The following LYRM4 variants were observed in gnomAD, a reference collection of about 807,000 sequenced individuals.
LYRM4 encodes the protein LYR motif-containing protein 4.
A neutral mutation model predicts 11.7 loss-of-function variants in LYRM4; 9 were observed. That is an observed-to-expected ratio of 0.77 (90% CI 0.46 to 1.34). The LOEUF is 1.34. Among genes scored for constraint, LYRM4 ranks in the 40% most tolerant of loss-of-function variants. The probability of loss-of-function intolerance (pLI) is 0.00; values close to 1 mark genes in which losing one functional copy is unlikely to be tolerated. For synonymous variants in LYRM4, 42 were observed against 40.4 expected, an observed-to-expected ratio of 1.04 and a Z score of -0.15; for missense variants, 133 against 112.5, an observed-to-expected ratio of 1.18 and a Z score of -0.82.
the LYRM4 span, among the ~76,000 whole-genome samples, chr6:5,092,809 C>G: frequency 6.6e-6 from 1 of 152,148 alleles, no homozygotes; most frequent in African/African-American, 2.4e-5. Flanking sequence ...AAGCAGCAGT[C>G]GTGTTTATGT....
intron 1 of LYRM4, among the ~76,000 whole-genome samples, chr6:5,227,100 A>G (rs1762937701): frequency 6.6e-6 from 1 of 152,222 alleles, no homozygotes; most frequent in African/African-American, 2.4e-5. Context: ...TAGACCGTTT[A>G]TTTTGAGGCA....
At chr6:5,087,298 TGA>T in the LYRM4 span, 1 of 152,202 alleles carries the variant, frequency 6.6e-6, no homozygotes, top group African/African-American at 2.4e-5. Context: ...TGTCAGCTGA[TGA>T]TGTGCGCACT....
At chr6:5,048,635 G>T in the LYRM4 span, among the ~76,000 whole-genome samples, 1 of 152,168 alleles carries the variant, frequency 6.6e-6, no homozygotes, top group Non-Finnish European at 1.5e-5. Context: ...AACATGCCCA[G>T]CCCTTGTGTT....
At chr6:5,118,165 G>T (rs1763233882) in intron 2 of LYRM4, among the ~76,000 whole-genome samples, 1 of 145,350 alleles carries the variant, frequency 6.9e-6, no homozygotes, top group African/African-American at 2.5e-5. Flanking sequence ...CTGCAGTGCT[G>T]TGGTGTGCTC....
intron 2 of LYRM4, among the ~76,000 whole-genome samples, chr6:5,113,960 C>A (rs546984120): frequency 5.7e-4 from 87 of 152,330 alleles, no homozygotes; most frequent in Non-Finnish European, 9.6e-4. Flanking sequence ...ATAACTGTGG[C>A]CTGCCCAGCA....
At chr6:5,052,762 A>G in the LYRM4 span, among the ~76,000 whole-genome samples, 1 of 152,260 alleles carries the variant, frequency 6.6e-6, no homozygotes, top group Non-Finnish European at 1.5e-5. Flanking sequence ...ACAATCTTGA[A>G]AAATAATTTT....
chr6:5,162,895 T>TA (rs1210110521), intron 2 of LYRM4, among the ~76,000 whole-genome samples: 1 of 152,222 alleles, frequency 6.6e-6, no homozygotes, highest in African/African-American at 2.4e-5. Flanking sequence ...GCTATCTGGA[T>TA]ATGGCCTTTT....
chr6:5,230,611 ATAAC>A (rs1197134230), intron 1 of LYRM4, among the ~76,000 whole-genome samples: 1 of 152,238 alleles, frequency 6.6e-6, no homozygotes, highest in Admixed American at 6.5e-5. Flanking sequence ...TTTATGGAGA[ATAAC>A]TACCTATGGT....
the LYRM4 span, among the ~76,000 whole-genome samples, chr6:5,037,588 G>C: frequency 1.2e-5 from 1 of 82,206 alleles, no homozygotes; most frequent in African/African-American, 3.5e-5. Context: ...AGGGGCGGCC[G>C]GGCAGAGGCG....
the LYRM4 span, among the ~76,000 whole-genome samples, chr6:5,062,768 T>C: frequency 1.3e-5 from 2 of 152,212 alleles, no homozygotes; most frequent in African/African-American, 2.4e-5. Context: ...AAGTGGTCCA[T>C]GCATTTCTGG....
intron 2 of LYRM4, among the ~76,000 whole-genome samples, chr6:5,183,020 C>G (rs1561854405): frequency 6.6e-6 from 1 of 152,160 alleles, no homozygotes. Context: ...GTGAAAGTAC[C>G]TGGCACATTT....
At chr6:5,219,305 AC>A (rs1762448603) in intron 1 of LYRM4, among the ~76,000 whole-genome samples, 1 of 152,210 alleles carries the variant, frequency 6.6e-6, no homozygotes, top group South Asian at 2.1e-4. Context: ...TGCTATGTAT[AC>A]TTGTTTGTCT....
intron 2 of LYRM4, among the ~76,000 whole-genome samples, chr6:5,143,180 G>C (rs2127627156): frequency 6.6e-6 from 1 of 152,114 alleles, no homozygotes; most frequent in East Asian, 1.9e-4. Context: ...GCCACATTGA[G>C]GAGGCCAAGC....
At chr6:5,037,445 A>C in the LYRM4 span, among the ~76,000 whole-genome samples, 1 of 41,058 alleles carries the variant, frequency 2.4e-5, no homozygotes, top group South Asian at 1.1e-3. Context: ...CGATTTCTCA[A>C]TTTTTTCCCC....
chr6:5,192,111 G>A (rs1165454516), intron 2 of LYRM4, among the ~76,000 whole-genome samples: 1 of 152,150 alleles, frequency 6.6e-6, no homozygotes, highest in Non-Finnish European at 1.5e-5. Flanking sequence ...ATCTGAAAAC[G>A]AAGAGTACAT....
chr6:5,057,761 T>C, the LYRM4 span, among the ~76,000 whole-genome samples: 1 of 146,878 alleles, frequency 6.8e-6, no homozygotes. Context: ...AGTGAAACGC[T>C]CACTTTTTTT....
At position 5,204,130 on chromosome 6, in the gene LYRM4, C is replaced by T. The variant is rs767805769; in HGVS notation, c.207+12488G>A. Among the ~76,000 whole-genome samples the T allele has an allele frequency of 4.7e-4, 72 of 152,264 alleles. 1 individual carries two copies. The Middle Eastern group carries it at 0.01, about 22-fold the overall frequency. ...AACTCATAAAGCTTGGGAGTGATAG[C>T]CAGGACTTGAAACCACTCCTGTTGT... On this transcript the variant is annotated intron_variant, in intron 2 of 2. Coordinates refer to ENST00000330636, the MANE Select transcript of LYRM4 (RefSeq NM_020408.6).
At chr6:5,063,630 G>A in the LYRM4 span, among the ~76,000 whole-genome samples, 1 of 152,168 alleles carries the variant, frequency 6.6e-6, no homozygotes, top group African/African-American at 2.4e-5. Context: ...TTGGCCTGGA[G>A]TGATGTTTGT....
intron 2 of LYRM4, among the ~76,000 whole-genome samples, chr6:5,200,210 G>C (rs545782874): frequency 1.3e-4 from 20 of 152,190 alleles, no homozygotes; most frequent in Admixed American, 1.3e-3. Context: ...GTGCAGGATG[G>C]ATCAGCCACA....
Sources: allele counts gnomAD v4.1 joint callset (sites outside exome capture counted in the v4.1 genomes callset), GRCh38; gene constraint gnomAD v4.1.1; transcripts MANE v1.5; gene names NCBI Gene and HGNC (gene_info 2026-07-23, HGNC 2026-07-21).